The following TG variants were observed in gnomAD, a reference collection of about 807,000 sequenced individuals.
TG encodes the protein thyroid hormones.
In TG, 270 loss-of-function variants were observed where a neutral mutation model predicts 324.7. The observed-to-expected ratio is 0.83, with a 90% CI of 0.75 to 0.92. TG has a LOEUF of 0.92. Ranked by LOEUF, TG falls within the 40% of genes least tolerant of loss-of-function variation. TG has a pLI of 0.00. For synonymous variants in TG, 1,401 were observed against 1,327.0 expected (o/e 1.06, Z -1.21); for missense variants, 3,591 against 3,456.4 (o/e 1.04, Z -0.98).
rs2979042 is a variant in TG at position 133,113,489 on chromosome 8, T to A, written c.7640T>A (p.Leu2547Gln). 3,086 of 1,614,086 alleles carry A rather than the reference T, an allele frequency of 1.9e-3. 88 individuals are homozygous for A. The South Asian group carries it at 0.032, about 17-fold the overall frequency. Reference protein sequence around the residue: ...TAFYQALQNSLGGEDSDARVE... With the variant: ...TAFYQALQNSQGGEDSDARVE... ...TTTTACCAGGCACTGCAGAATTCTC[T>A]GGGTGGCGAGGACTCAGATGCCCGC... The change falls in exon 44 of 48, where the codon CTG becomes CAG. Residue 2547 changes from leucine to glutamine, a missense_variant. Physicochemically the swap from Leu to Gln is moderately radical, Grantham distance 113. Transcript: ENST00000220616.
intron 8 of TG, 125 bp from the exon 9 acceptor site, chr8:132,886,323 G>T (rs1015459582): frequency 4.5e-6 from 6 of 1,329,696 alleles, no homozygotes; most frequent in Non-Finnish European, 6.4e-6. Context: ...GAAGAAAGTG[G>T]TTTCAAACGT....
At chr8:133,091,967 A>C (rs1311025900) in intron 41 of TG, among the ~76,000 whole-genome samples, 2 of 151,868 alleles carry the variant, frequency 1.3e-5, no homozygotes, top group Non-Finnish European at 2.9e-5. Context: ...GTGTCTGTGC[A>C]CGTAAGCATA....
intron 29 of TG, chr8:132,965,009 C>T (rs1587605131): frequency 1.5e-6 from 1 of 684,684 alleles, no homozygotes; most frequent in Non-Finnish European, 2.6e-6. Context: ...GCCTTCAGTC[C>T]TGCTGCCTTG....
chr8:133,059,823 C>T (rs1039540964), intron 41 of TG, among the ~76,000 whole-genome samples: 1 of 152,188 alleles, frequency 6.6e-6, no homozygotes, highest in South Asian at 2.1e-4. Flanking sequence ...CTCAGTCTCC[C>T]TATCTGGAAA....
At chr8:132,925,586 A>AT (rs1209512634) in intron 22 of TG, among the ~76,000 whole-genome samples, 3 of 149,384 alleles carry the variant, frequency 2.0e-5, no homozygotes, top group African/African-American at 5.0e-5. Flanking sequence ...TGAAAGTCTT[A>AT]TTTTTTTCCC....
chr8:132,988,939 C>T lies in TG; in HGVS notation c.6262+5527C>T, dbSNP rs766727020. ...TTCACGTTGCTCATAAAGACATACC[C>T]GAGACTGGACAATTTGCAGAAGAAA... On this transcript the variant is annotated intron_variant, in intron 35 of 47. Transcript: ENST00000220616. 3.6e-4 allele frequency: 349 copies of T among 967,762 alleles called. 1 individual carries two copies. The highest frequency in any genetic ancestry group is 4.0e-4 in the Non-Finnish European group (323 of 813,990). The allele number at this position is 967,762 out of a possible 1,614,324, so 59.9% of individuals were successfully genotyped here.
chr8:132,987,155 C>T lies in TG; in HGVS notation c.6262+3743C>T, dbSNP rs548301754. Among the ~76,000 whole-genome samples the T allele has an allele frequency of 2.9e-4, 44 of 152,188 alleles. No individual in the cohort carries two copies. In the South Asian group the frequency reaches 8.9e-3, roughly 31 times the overall value. ...GTGTTTCCAAGGTGGAATGAGATGT[C>T]ACAGTGCTTGTAAGTGTCTTGTTAA... On this transcript the variant is annotated intron_variant, in intron 35 of 47. Coordinates refer to ENST00000220616, the MANE Select transcript of TG (RefSeq NM_003235.5).
chr8:133,050,941 G>C (rs117044097), intron 41 of TG: 13 of 1,395,222 alleles, frequency 9.3e-6, no homozygotes, highest in Non-Finnish European at 1.3e-5. Context: ...CAAGGGGGAA[G>C]GGGGCAAGGT....
intron 47 of TG, 50 bp downstream of exon 47, chr8:133,133,710 T>A (rs772165732): frequency 6.3e-7 from 1 of 1,579,350 alleles, no homozygotes; most frequent in Admixed American, 1.8e-5. Context: ...GATCTCAGCA[T>A]CTGCTGTGCT....
intron 25 of TG, among the ~76,000 whole-genome samples, chr8:132,936,902 C>A (rs1823690065): frequency 6.6e-6 from 1 of 152,014 alleles, no homozygotes; most frequent in Non-Finnish European, 1.5e-5. Context: ...CTGTGTGGAA[C>A]CCCTCCTCTG....
chr8:132,905,922 G>A (rs1001713500), intron 16 of TG, among the ~76,000 whole-genome samples: 2 of 152,154 alleles, frequency 1.3e-5, no homozygotes, highest in Admixed American at 6.5e-5. Flanking sequence ...TTGGAGGTGT[G>A]TTCAGGGAGT....
rs138405983 is a variant in TG, at chr8:133,032,539, C to A, written c.7239+2516C>A. On this transcript the variant is annotated intron_variant, in intron 41 of 47. Coordinates refer to ENST00000220616, the MANE Select transcript of TG (RefSeq NM_003235.5). ...GCAGTGTATTTAAAAATAAACCCTT[C>A]CATCTGTTTTAGTCATTTGGAAGTA... 4.7e-4 allele frequency among the ~76,000 whole-genome samples: 72 copies of A among 152,294 alleles called. No homozygotes were observed. The East Asian group carries it at 0.011, about 24-fold the overall frequency.
intron 31 of TG, among the ~76,000 whole-genome samples, chr8:132,969,181 T>C (rs531249954): frequency 6.6e-6 from 1 of 152,210 alleles, no homozygotes; most frequent in East Asian, 1.9e-4. Flanking sequence ...AAAAGTTGAG[T>C]AGTTTTCTTG....
rs2687844 is a variant in TG, at chr8:132,950,271, C to T, written c.5401+1328C>T. On this transcript the variant is annotated intron_variant, in intron 27 of 47. Coordinates refer to ENST00000220616, the MANE Select transcript of TG (RefSeq NM_003235.5). ...GGAAAGCACCTCCATGCTTCCACTC[C>T]ACCTTCTGAGTTGAGAGCAGTGAAG... 1.2e-4 allele frequency among the ~76,000 whole-genome samples: 19 copies of T among 152,324 alleles called. No homozygotes were observed. In the East Asian group the frequency reaches 3.7e-3, roughly 29 times the overall value.
intron 1 of TG, 117 bp downstream of exon 1, chr8:132,867,184 T>C: frequency 1.1e-6 from 1 of 937,144 alleles, no homozygotes; most frequent in Non-Finnish European, 1.6e-6. Flanking sequence ...TTCCCACATG[T>C]CAGTGATTTG....
Position 132,971,882 on chromosome 8 carries a change from G to T in TG, c.6055+9G>T, listed in dbSNP as rs1470442398. ...TGTTTCCCAGTTAAAAGGTAATAAT[G>T]GTAACAACTTCCTCTCCCCTGCGCA... On this transcript the variant is annotated intron_variant, in intron 33 of 47. Coordinates refer to ENST00000220616, the MANE Select transcript of TG (RefSeq NM_003235.5). 1.9e-6 allele frequency: 3 copies of T among 1,590,518 alleles called. No homozygotes were observed. In the South Asian group the frequency reaches 3.3e-5, roughly 18 times the overall value.
At chr8:133,120,210 G>C (rs1210027165) in intron 45 of TG, among the ~76,000 whole-genome samples, 1 of 152,162 alleles carries the variant, frequency 6.6e-6, no homozygotes, top group East Asian at 1.9e-4. Flanking sequence ...CTCACAGCAA[G>C]TTCATTAAAA....
At position 132,908,168 on chromosome 8, in the gene TG, T is replaced by C; in HGVS notation, c.3848-18T>C. 1 of 1,613,598 alleles carries C rather than the reference T, an allele frequency of 6.2e-7. No homozygotes were observed. The highest frequency in any genetic ancestry group is 8.5e-7 in the Non-Finnish European group (1 of 1,180,000). ...TACAGGCCCATTGCCTCTGCTGATC[T>C]CTGGTGCTTGCCTGCAGGGCCCCAG... On this transcript the variant is annotated intron_variant, in intron 17 of 47. Transcript: ENST00000220616.
intron 27 of TG, among the ~76,000 whole-genome samples, chr8:132,953,349 A>G (rs1315469092): frequency 6.6e-6 from 1 of 152,150 alleles, no homozygotes; most frequent in African/African-American, 2.4e-5. Flanking sequence ...GACCTGGCCA[A>G]GTCCAGATGC....
Sources: allele counts gnomAD v4.1 joint callset (sites outside exome capture counted in the v4.1 genomes callset), GRCh38; gene constraint gnomAD v4.1.1; transcripts MANE v1.5; gene names NCBI Gene and HGNC (gene_info 2026-07-23, HGNC 2026-07-21).